The following ROBO1 variants were observed in gnomAD, a reference collection of about 807,000 sequenced individuals.
The protein encoded by ROBO1 is roundabout homolog 1.
ROBO1 carries 149 observed loss-of-function variants against 195.9 expected under a neutral mutation model. The observed-to-expected ratio is 0.76, with a 90% CI of 0.67 to 0.87. The LOEUF (loss-of-function observed/expected upper bound fraction) is 0.87, where lower values mean the gene tolerates loss of function less well. ROBO1 is among the 40% of genes least tolerant of loss of function. The pLI is 0.00. For missense variants in ROBO1, 1,933 were observed against 2,068.3 expected (o/e 0.93, Z 1.27); for synonymous variants, 816 against 733.2 (o/e 1.11, Z -1.82).
chr3:79,706,251 G>A (rs1312906715), intron 1 of ROBO1, among the ~76,000 whole-genome samples: 1 of 151,984 alleles, frequency 6.6e-6, no homozygotes, highest in African/African-American at 2.4e-5. Context: ...GAAAGCTTCT[G>A]GTTTCTCATG....
chr3:78,643,273 C>A (rs1349175636), intron 21 of ROBO1, among the ~76,000 whole-genome samples: 1 of 152,100 alleles, frequency 6.6e-6, no homozygotes. Flanking sequence ...AACAAATGAG[C>A]CTAGCTGTAT....
At chr3:79,749,685 C>T (rs1191659299) in intron 1 of ROBO1, among the ~76,000 whole-genome samples, 1 of 152,208 alleles carries the variant, frequency 6.6e-6, no homozygotes. Context: ...AGGGTGCAAG[C>T]CCCAAGCCTT....
intron 3 of ROBO1, among the ~76,000 whole-genome samples, chr3:78,982,204 A>G (rs890313224): frequency 6.6e-6 from 1 of 151,946 alleles, no homozygotes; most frequent in African/African-American, 2.4e-5. Context: ...ATCATTTACT[A>G]CCCCTCGGAA....
intron 3 of ROBO1, chr3:79,018,328 A>C: frequency 6.4e-7 from 1 of 1,556,740 alleles, no homozygotes; most frequent in Non-Finnish European, 8.8e-7. Flanking sequence ...ACCAAAATAC[A>C]CTTCTGGGTT....
intron 3 of ROBO1, among the ~76,000 whole-genome samples, chr3:78,964,284 A>G (rs1036894027): frequency 7.9e-5 from 12 of 152,136 alleles, no homozygotes; most frequent in African/African-American, 2.7e-4. Flanking sequence ...ATTCACAGAT[A>G]CCAGCGGTTA....
At chr3:79,752,571 G>A (rs1266912112) in intron 1 of ROBO1, among the ~76,000 whole-genome samples, 1 of 152,064 alleles carries the variant, frequency 6.6e-6, no homozygotes, top group South Asian at 2.1e-4. Context: ...AGGGTGAAAG[G>A]TCTCACAAAT....
At chr3:79,568,589 A>G (rs1412212977) in intron 2 of ROBO1, among the ~76,000 whole-genome samples, 1 of 150,264 alleles carries the variant, frequency 6.7e-6, no homozygotes, top group Non-Finnish European at 1.5e-5. Context: ...CTACTTTAGG[A>G]CAGTCTTTCA....
At chr3:79,685,652 T>G (rs1330301514) in intron 1 of ROBO1, among the ~76,000 whole-genome samples, 3 of 152,138 alleles carry the variant, frequency 2.0e-5, no homozygotes, top group East Asian at 3.9e-4. Flanking sequence ...TTGTGCACGC[T>G]CCAGTGGCTA....
intron 4 of ROBO1, among the ~76,000 whole-genome samples, chr3:78,924,096 C>T (rs940602221): frequency 1.7e-4 from 26 of 151,416 alleles, no homozygotes. Flanking sequence ...CATACACATA[C>T]ACACATTATA....
At chr3:79,255,110 C>T (rs774566846) in intron 2 of ROBO1, among the ~76,000 whole-genome samples, 1 of 152,152 alleles carries the variant, frequency 6.6e-6, no homozygotes. Context: ...CCAGCCTACT[C>T]GGATTTATGC....
At chr3:79,664,563 T>C (rs1452313777) in intron 1 of ROBO1, among the ~76,000 whole-genome samples, 1 of 152,040 alleles carries the variant, frequency 6.6e-6, no homozygotes, top group East Asian at 1.9e-4. Context: ...GGCTTCAATT[T>C]ATTTTTTCAT....
chr3:78,762,641 T>C (rs1339562847), intron 4 of ROBO1, among the ~76,000 whole-genome samples: 4 of 152,010 alleles, frequency 2.6e-5, no homozygotes, highest in African/African-American at 7.2e-5. Flanking sequence ...CTTTACTTGA[T>C]TCATGCATAG....
intron 2 of ROBO1, among the ~76,000 whole-genome samples, chr3:79,193,159 T>A (rs2081571669): frequency 6.6e-6 from 1 of 151,640 alleles, no homozygotes; most frequent in South Asian, 2.1e-4. Flanking sequence ...AGTGGAGACA[T>A]GTTAAACTTG....
intron 3 of ROBO1, among the ~76,000 whole-genome samples, chr3:79,036,763 A>G (rs1457977815): frequency 6.6e-6 from 1 of 152,188 alleles, no homozygotes; most frequent in Non-Finnish European, 1.5e-5. Flanking sequence ...GCTGTTAAGA[A>G]TTACTGAATT....
intron 5 of ROBO1, among the ~76,000 whole-genome samples, chr3:78,744,531 A>G (rs1332230835): frequency 6.6e-6 from 1 of 152,114 alleles, no homozygotes; most frequent in East Asian, 1.9e-4. Context: ...TAAAAAGGCT[A>G]CCCCCTGATT....
chr3:78,635,936 A>G lies in ROBO1; in HGVS notation c.3210T>C (p.Pro1070=). Reference sequence around the variant, plus strand: ...TGAGCTGAGTGGTGGCGTAAGGAGTAGGCTGCCCTGATGGATTGACAAAAC... The same window carrying G: ...TGAGCTGAGTGGTGGCGTAAGGAGTGGGCTGCCCTGATGGATTGACAAAAC... The part of the protein sequence containing the change: ...DGRFVNPSGQ[P]TPYATTQLIQ... Residue 1070 remains proline, a synonymous_variant, in exon 23 of 31, where the codon CCT becomes CCC. Transcript: ENST00000464233. 1 of 1,613,942 alleles carries G rather than the reference A, an allele frequency of 6.2e-7. No homozygotes were observed. The highest frequency in any genetic ancestry group is 1.3e-5 in the African/African-American group (1 of 75,048).
chr3:79,763,327 T>C (rs1704814919), intron 1 of ROBO1, among the ~76,000 whole-genome samples: 2 of 152,122 alleles, frequency 1.3e-5, no homozygotes, highest in Non-Finnish European at 2.9e-5. Context: ...TGTAAAAGTA[T>C]ATAAGGTAAA....
chr3:79,464,818 G>A (rs1187715425), intron 2 of ROBO1, among the ~76,000 whole-genome samples: 3 of 152,046 alleles, frequency 2.0e-5, no homozygotes, highest in African/African-American at 4.8e-5. Context: ...TACTCTCTGT[G>A]AAAAATTTTA....
chr3:79,682,299 C>T lies in ROBO1; in HGVS notation c.-51+85453G>A, dbSNP rs889860317. 2.6e-5 allele frequency among the ~76,000 whole-genome samples: 4 copies of T among 151,796 alleles called. No homozygotes were observed. The East Asian group carries it at 7.7e-4, about 29-fold the overall frequency. On this transcript the variant is annotated intron_variant, in intron 1 of 30. Coordinates refer to ENST00000464233, the MANE Select transcript of ROBO1 (RefSeq NM_002941.4). Reference sequence around the variant, plus strand: ...CTGAAAATCAAAAAATGTTAAAAAGCCTTTGAGAAAGACCTGTGGCTGCGT... The same window carrying T: ...CTGAAAATCAAAAAATGTTAAAAAGTCTTTGAGAAAGACCTGTGGCTGCGT...
Sources: allele counts gnomAD v4.1 joint callset (sites outside exome capture counted in the v4.1 genomes callset), GRCh38; gene constraint gnomAD v4.1.1; transcripts MANE v1.5; gene names NCBI Gene and HGNC (gene_info 2026-07-23, HGNC 2026-07-21).